Variants in CHL1 observed in about 807,000 individuals in gnomAD.
CHL1 encodes the protein neural cell adhesion molecule L1-like protein.
CHL1 carries 96 observed loss-of-function variants against 141.9 expected under a neutral mutation model. The observed-to-expected ratio is 0.68, with a 90% CI of 0.57 to 0.80. The LOEUF (loss-of-function observed/expected upper bound fraction) is 0.80. Among genes scored for constraint, CHL1 ranks in the 30% least tolerant of loss-of-function variants. CHL1 has a pLI of 0.00. For synonymous variants in CHL1, 613 were observed against 502.2 expected (o/e 1.22, Z -2.95); for missense variants, 1,820 against 1,457.2 (o/e 1.25, Z -4.05).
chr3:390,636 G>A, intron 20 of CHL1, 65 bp from the exon 21 acceptor site: 1 of 958,986 alleles, frequency 1.0e-6, no homozygotes, highest in East Asian at 2.4e-5. Context: ...GAAAATTTTT[G>A]AAAAGGATCC....
rs117057270 is a variant in CHL1, at chr3:345,113, A to G, written c.848+404A>G. ...CTTCAGGCAGTAACAGGCTCATAAA[A>G]TTAGATCTCTCTGTCAATTTATGAT... On this transcript the variant is annotated intron_variant, in intron 9 of 27. Transcript: ENST00000256509. Among the ~76,000 whole-genome samples the G allele has an allele frequency of 4.1e-3, 618 of 152,344 alleles. 18 individuals are homozygous for G. In the East Asian group the frequency reaches 0.064, roughly 16 times the overall value.
At chr3:357,856 AAGG>A (rs1270486924) in intron 11 of CHL1, among the ~76,000 whole-genome samples, 7 of 152,308 alleles carry the variant, frequency 4.6e-5, no homozygotes, top group Admixed American at 2.0e-4. Flanking sequence ...CAGACGGGAT[AAGG>A]AGAACTAAAT....
intron 2 of CHL1, among the ~76,000 whole-genome samples, chr3:283,508 A>C (rs1574954047): frequency 6.6e-6 from 1 of 152,188 alleles, no homozygotes; most frequent in Non-Finnish European, 1.5e-5. Context: ...TCAACTATCT[A>C]TTCATCTATC....
chr3:320,631 G>A (rs1028514034), intron 3 of CHL1, among the ~76,000 whole-genome samples: 2 of 151,978 alleles, frequency 1.3e-5, no homozygotes, highest in African/African-American at 2.4e-5. Flanking sequence ...AGACTATAGT[G>A]TGCAATGATC....
At chr3:248,628 T>C (rs1219618411) in intron 2 of CHL1, 2 of 152,272 alleles carry the variant, frequency 1.3e-5, no homozygotes, top group South Asian at 2.1e-4. Context: ...TGTTTTTGTT[T>C]GTAAGATTTT....
intron 11 of CHL1, among the ~76,000 whole-genome samples, chr3:357,930 T>G (rs1009994113): frequency 6.6e-6 from 1 of 151,964 alleles, no homozygotes; most frequent in Non-Finnish European, 1.5e-5. Flanking sequence ...AAGTGAAGAG[T>G]GGGATTAGAG....
At chr3:397,948 T>C (rs1177105466) in intron 24 of CHL1, among the ~76,000 whole-genome samples, 1 of 152,182 alleles carries the variant, frequency 6.6e-6, no homozygotes, top group Non-Finnish European at 1.5e-5. Flanking sequence ...TGTATAATTT[T>C]TTTAAGTCTG....
intron 5 of CHL1, among the ~76,000 whole-genome samples, chr3:337,103 A>G: frequency 6.6e-6 from 1 of 152,138 alleles, no homozygotes; most frequent in Non-Finnish European, 1.5e-5. Flanking sequence ...TGCTGATGCA[A>G]ATGGATTAAT....
intron 5 of CHL1, among the ~76,000 whole-genome samples, chr3:335,940 T>C (rs905323221): frequency 1.5e-4 from 23 of 152,204 alleles, no homozygotes; most frequent in African/African-American, 4.8e-4. Flanking sequence ...CCAAGATGTA[T>C]TGAATAATTT....
chr3:300,404 A>T (rs1698618362), intron 2 of CHL1, among the ~76,000 whole-genome samples: 1 of 152,176 alleles, frequency 6.6e-6, no homozygotes, highest in South Asian at 2.1e-4. Context: ...GAAGACATGG[A>T]TTTGGGTTCT....
At chr3:237,179 TG>T (rs1391584991) in intron 1 of CHL1, among the ~76,000 whole-genome samples, 1 of 152,168 alleles carries the variant, frequency 6.6e-6, no homozygotes, top group Non-Finnish European at 1.5e-5. Flanking sequence ...GATTGGATTA[TG>T]GGGGTGGTTT....
chr3:362,402 C>A (rs1704352918), intron 13 of CHL1, among the ~76,000 whole-genome samples: 1 of 152,062 alleles, frequency 6.6e-6, no homozygotes, highest in Non-Finnish European at 1.5e-5. Context: ...TTTATAGGGT[C>A]AGATATTGCC....
At position 405,371 on chromosome 3, in the gene CHL1, T is replaced by C. The variant is rs9821727; in HGVS notation, c.3459-124T>C. The stretch of plus-strand genomic sequence containing the variant: ...GTAGTATCATGTGGGCTTTACTATC[T>C]GTCTTCAATGCTAACACAAATGTCC... On this transcript the variant is annotated intron_variant, in intron 27 of 27. Transcript: ENST00000256509. 6 of 644,726 alleles carry C rather than the reference T, an allele frequency of 9.3e-6. No homozygotes were observed. In the Admixed American group the frequency reaches 1.7e-4, roughly 19 times the overall value. The allele number at this position is 644,726 out of a possible 1,614,324, so 39.9% of individuals were successfully genotyped here.
chr3:356,813 C>T (rs1399042307), intron 11 of CHL1, among the ~76,000 whole-genome samples: 1 of 152,104 alleles, frequency 6.6e-6, no homozygotes, highest in African/African-American at 2.4e-5. Context: ...GGGGAAGGGG[C>T]CAGAGCTCAG....
chr3:254,998 G>C (rs185956552), intron 2 of CHL1, among the ~76,000 whole-genome samples: 14 of 152,172 alleles, frequency 9.2e-5, no homozygotes, highest in African/African-American at 3.1e-4. Flanking sequence ...CCTTTCCTCA[G>C]ATACCAGGAT....
chr3:362,836 G>C (rs1704415102), intron 13 of CHL1, among the ~76,000 whole-genome samples: 1 of 152,312 alleles, frequency 6.6e-6, no homozygotes, highest in Non-Finnish European at 1.5e-5. Flanking sequence ...CAGGAGGTTT[G>C]AAAGGTTCAT....
chr3:310,437 T>C (rs1372230353), intron 2 of CHL1, among the ~76,000 whole-genome samples: 3 of 152,184 alleles, frequency 2.0e-5, no homozygotes, highest in Non-Finnish European at 4.4e-5. Context: ...GAGTGAGTGA[T>C]GAAAATCTGA....
At chr3:394,075 G>T (rs1708471447) in intron 23 of CHL1, among the ~76,000 whole-genome samples, 2 of 152,046 alleles carry the variant, frequency 1.3e-5, no homozygotes, top group South Asian at 4.1e-4. Flanking sequence ...TCTTTGCTGG[G>T]TTCCAAATTC....
intron 1 of CHL1, among the ~76,000 whole-genome samples, chr3:210,888 A>G (rs1389980089): frequency 6.6e-6 from 1 of 152,208 alleles, no homozygotes; most frequent in Non-Finnish European, 1.5e-5. Flanking sequence ...GCAAGGCTGA[A>G]GTGCCCTGGT....
Sources: allele counts gnomAD v4.1 joint callset (sites outside exome capture counted in the v4.1 genomes callset), GRCh38; gene constraint gnomAD v4.1.1; transcripts MANE v1.5; gene names NCBI Gene and HGNC (gene_info 2026-07-23, HGNC 2026-07-21).